NAP1L4: variants seen among roughly 807,000 people sequenced by gnomAD.
NAP1L4 encodes the protein nucleosome assembly protein 1 like 4.
Under a neutral mutation model 58.2 loss-of-function variants are expected in NAP1L4, and 15 were observed. The ratio of observed to expected loss-of-function variants is 0.26; its 90% CI spans 0.17 to 0.40. NAP1L4 has a LOEUF of 0.40. Among genes scored for constraint, NAP1L4 ranks in the 10% least tolerant of loss-of-function variants. The pLI, the probability that NAP1L4 is intolerant of heterozygous loss-of-function variation, is 1.00. For missense variants in NAP1L4, 384 were observed against 451.1 expected (o/e 0.85, Z 1.35); for synonymous variants, 171 against 155.6 (o/e 1.10, Z -0.74).
intron 1 of NAP1L4, among the ~76,000 whole-genome samples, chr11:2,983,396 G>C (rs1417815379): frequency 1.3e-5 from 2 of 152,030 alleles, no homozygotes; most frequent in African/African-American, 4.8e-5. Context: ...CTGTTACCCA[G>C]GCTAGAGTGC....
chr11:2,976,492 A>G (rs1369613592), intron 3 of NAP1L4, among the ~76,000 whole-genome samples: 1 of 152,202 alleles, frequency 6.6e-6, no homozygotes, highest in African/African-American at 2.4e-5. Context: ...CCACGAACAG[A>G]GATGAGATCA....
chr11:2,970,138 A>G (rs1661816512), intron 6 of NAP1L4, among the ~76,000 whole-genome samples: 1 of 152,096 alleles, frequency 6.6e-6, no homozygotes, highest in South Asian at 2.1e-4. Context: ...TTACATCCAC[A>G]CGGAATTCCG....
At chr11:2,979,545 G>T (rs1308482443) in intron 1 of NAP1L4, among the ~76,000 whole-genome samples, 2 of 152,146 alleles carry the variant, frequency 1.3e-5, no homozygotes, top group Non-Finnish European at 2.9e-5. Context: ...GGCCGAGGTG[G>T]GTGGGTCACT....
rs1846169945 is a variant in NAP1L4, at chr11:2,950,515, TTC to T, written c.1122+742_1122+743del. Among the ~76,000 whole-genome samples, 4 of 152,226 alleles carry T rather than the reference TTC, an allele frequency of 2.6e-5. No homozygotes were observed. In the South Asian group the frequency reaches 8.3e-4, roughly 32 times the overall value. On this transcript the variant is annotated intron_variant, in intron 14 of 15. Coordinates refer to ENST00000380542, the MANE Select transcript of NAP1L4 (RefSeq NM_005969.4). ...ACAAAAACACCAGGTAACGTTAGTA[TTC>T]TGACAGCCCATAATATACTTAATTT...
chr11:2,987,706 G>A (rs1298229469), intron 1 of NAP1L4, among the ~76,000 whole-genome samples: 4 of 141,496 alleles, frequency 2.8e-5, no homozygotes, highest in Admixed American at 7.4e-5. Flanking sequence ...GCAGTGAGCC[G>A]AGATCGCGCC....
rs959365974 is a variant in NAP1L4 at position 2,971,753 on chromosome 11, G to T, written c.316-219C>A. On this transcript the variant is annotated intron_variant, in intron 5 of 15. Transcript: ENST00000380542. This position sits in a 1 kb window ranked among gnomAD's most constrained non-coding sequence, Gnocchi z 4.2. ...AAGATGTAAAATAAAGACAGTCCCC[G>T]ATTTCCAATGGTTCAGCTAAAGATT... is the stretch of plus-strand genomic sequence containing the variant. Among the ~76,000 whole-genome samples the T allele has an allele frequency of 1.3e-5, 2 of 152,180 alleles. No individual in the cohort carries two copies. The highest frequency in any genetic ancestry group is 2.9e-5 in the Non-Finnish European group (2 of 68,034).
chr11:2,992,025 C>G (rs1849007085), intron 1 of NAP1L4: 3 of 152,176 alleles, frequency 2.0e-5, no homozygotes, highest in Admixed American at 2.0e-4. Flanking sequence ...TGGGAGGGGC[C>G]TCCCGCCAGC....
intron 1 of NAP1L4, chr11:2,990,040 TCAAC>T (rs2134036507): frequency 6.6e-6 from 1 of 152,310 alleles, no homozygotes; most frequent in East Asian, 1.9e-4. Flanking sequence ...TGCAAAGAAT[TCAAC>T]CAATTTCTCC....
chr11:2,961,865 A>G (rs902254614), intron 8 of NAP1L4, among the ~76,000 whole-genome samples: 1 of 151,990 alleles, frequency 6.6e-6, no homozygotes, highest in Admixed American at 6.6e-5. Flanking sequence ...GTTTCTTCCT[A>G]TTTTCCTTTT....
In NAP1L4 at chr11:2,954,086, T is replaced by C. The variant is rs988554800; in HGVS notation, c.1035+441A>G. Among the ~76,000 whole-genome samples the C allele has an allele frequency of 6.6e-6, 1 of 152,192 alleles. No individual in the cohort carries two copies. Among genetic ancestry groups the C allele is most frequent in the Non-Finnish European group, 1.5e-5 (1 of 68,042 alleles). ...TTCGGGAGCACGGGTTTCTTTTTTT[T>C]CCTTTTTACCTAATTAGATAGAAGT... On this transcript the variant is annotated intron_variant, in intron 12 of 15. Transcript: ENST00000380542. This position sits in a 1 kb window ranked among gnomAD's most constrained non-coding sequence, Gnocchi z 4.8.
chr11:2,981,516 G>C (rs1190503379), intron 1 of NAP1L4, among the ~76,000 whole-genome samples: 2 of 149,938 alleles, frequency 1.3e-5, no homozygotes. Flanking sequence ...CCCAGCCCTA[G>C]TCAGTGAAGA....
chr11:2,949,837 G>A lies in NAP1L4; in HGVS notation c.1123-573C>T, dbSNP rs1846129985. Reference sequence around the variant, plus strand: ...CAGAGGGGAGGAAAAGAGAAGCTGAGGCACAGAATACAGGGAGGGGGAGAT... The same window carrying A: ...CAGAGGGGAGGAAAAGAGAAGCTGAAGCACAGAATACAGGGAGGGGGAGAT... On this transcript the variant is annotated intron_variant, in intron 14 of 15. Transcript: ENST00000380542. This position sits in a 1 kb window ranked among gnomAD's most constrained non-coding sequence, Gnocchi z 4.0. Among the ~76,000 whole-genome samples the A allele has an allele frequency of 6.6e-6, 1 of 152,230 alleles. No homozygotes were observed. Among genetic ancestry groups the A allele is most frequent in the Non-Finnish European group, 1.5e-5 (1 of 68,044 alleles).
chr11:2,955,322 G>A lies in NAP1L4; in HGVS notation c.915+422C>T, dbSNP rs538415069. ...AGTGATTCTCCTGCTTGAGCCTCCTGAGTAGCTGAGATTACAGGCGCTGCC... is the reference window on the plus strand; with the variant it reads ...AGTGATTCTCCTGCTTGAGCCTCCTAAGTAGCTGAGATTACAGGCGCTGCC... On this transcript the variant is annotated intron_variant, in intron 11 of 15. Transcript: ENST00000380542. The surrounding 1 kb of genome is among the most constrained non-coding windows in gnomAD (Gnocchi z 4.2). Among the ~76,000 whole-genome samples, 106 of 151,966 alleles carry A rather than the reference G, an allele frequency of 7.0e-4. 1 individual carries two copies. In the South Asian group the frequency reaches 0.021, roughly 30 times the overall value.
chr11:2,964,581 G>C, intron 8 of NAP1L4, 99 bp downstream of exon 8: 1 of 930,594 alleles, frequency 1.1e-6, no homozygotes, highest in Non-Finnish European at 1.7e-6. Context: ...GAGTGGCTGG[G>C]TGTGGGTTTT....
At position 2,955,687 on chromosome 11, in the gene NAP1L4, A is replaced by G; in HGVS notation, c.915+57T>C. The G allele has an allele frequency of 6.5e-7, 1 of 1,544,486 alleles. No homozygotes were observed. Among genetic ancestry groups the G allele is most frequent in the Non-Finnish European group, 8.9e-7 (1 of 1,122,066 alleles). ...CTTTTTTTAACAAGTAGACAAGTAG[A>G]CATTCACTCAGGAGAGACTTCAACA... On this transcript the variant is annotated intron_variant, in intron 11 of 15. Transcript: ENST00000380542. This position sits in a 1 kb window ranked among gnomAD's most constrained non-coding sequence, Gnocchi z 4.2.
Position 2,978,326 on chromosome 11 carries a change from GA to G in NAP1L4, c.30del (p.Pro11LeufsTer21). The G allele has an allele frequency of 6.2e-7, 1 of 1,613,842 alleles. No homozygotes were observed. The highest frequency in any genetic ancestry group is 8.5e-7 in the Non-Finnish European group (1 of 1,179,900). Reference protein sequence around the residue: MADHSFSDGVPSDSVEAAKN... With the variant: MADHSFSDGXPSDSVEAAKN... ...TTAGCAGCTTCCACGGAATCTGAAGGAACCCCATCTGAAAAACTAAAACAAC... is the reference window on the plus strand; with the variant it reads ...TTAGCAGCTTCCACGGAATCTGAAGGACCCCATCTGAAAAACTAAAACAAC... On this transcript the variant is annotated frameshift_variant, in exon 3 of 16. Coordinates refer to ENST00000380542, the MANE Select transcript of NAP1L4 (RefSeq NM_005969.4). LOFTEE classifies it high-confidence loss of function.
chr11:2,960,628 C>A (rs1223868670), intron 8 of NAP1L4, among the ~76,000 whole-genome samples: 5 of 152,050 alleles, frequency 3.3e-5, no homozygotes, highest in Admixed American at 1.3e-4. Context: ...GTAGACCCGG[C>A]CAGGATTTTG....
At chr11:2,979,538 C>G (rs913693793) in intron 1 of NAP1L4, among the ~76,000 whole-genome samples, 15 of 152,142 alleles carry the variant, frequency 9.9e-5, no homozygotes, top group African/African-American at 3.6e-4. Flanking sequence ...TTTGGGAGGC[C>G]GAGGTGGGTG....
Position 2,951,083 on chromosome 11 carries a change from CA to C in NAP1L4, c.1122+175del. The C allele has an allele frequency of 1.5e-6, 1 of 656,728 alleles. No homozygotes were observed. The highest frequency in any genetic ancestry group is 1.9e-5 in the South Asian group (1 of 53,890). The allele number at this position is 656,728 out of a possible 1,614,324, so 40.7% of individuals were successfully genotyped here. A position where few individuals can be genotyped will look rare whatever the true frequency, so the allele number is the denominator to read the frequency against. ...CTACTGAGTATGTACACTCAACACTCAAATTATAGACACAGTGTCTGAATAA... is the reference window on the plus strand; with the variant it reads ...CTACTGAGTATGTACACTCAACACTCAATTATAGACACAGTGTCTGAATAA... On this transcript the variant is annotated intron_variant, in intron 14 of 15. Transcript: ENST00000380542. The surrounding 1 kb of genome is among the most constrained non-coding windows in gnomAD (Gnocchi z 4.0).
Sources: gnomAD v4.1 joint callset for allele counts (sites outside exome capture counted in the v4.1 genomes callset) on GRCh38, gnomAD v4.1.1 for gene constraint, Gnocchi (gnomAD v3.1) non-coding constraint, MANE v1.5 for transcripts, NCBI Gene and HGNC (gene_info 2026-07-23, HGNC 2026-07-21) for gene names.